KCNMB4: variants seen among roughly 807,000 people sequenced by gnomAD.
KCNMB4 encodes potassium calcium-activated channel subfamily M regulatory beta subunit 4.
A neutral mutation model predicts 20.7 loss-of-function variants in KCNMB4; 3 were observed. The ratio of observed to expected loss-of-function variants is 0.14; its 90% CI spans 0.07 to 0.37. The LOEUF is 0.37. KCNMB4 is among the 10% of genes least tolerant of loss of function. KCNMB4 has a pLI of 1.00. For missense variants in KCNMB4, 168 were observed against 265.9 expected (o/e 0.63, Z 2.56); for synonymous variants, 110 against 113.4 (o/e 0.97, Z 0.19).
chr12:70,430,616 T>G lies in KCNMB4; in HGVS notation c.596T>G (p.Val199Gly), dbSNP rs1593352427. 1.2e-6 allele frequency: 2 copies of G among 1,612,378 alleles called. No individual in the cohort carries two copies. Among genetic ancestry groups the G allele is most frequent in the Non-Finnish European group, 8.5e-7 (1 of 1,179,630 alleles). The change falls in exon 3 of 3, where the codon GTC (valine) becomes GGC (glycine). Residue 199 changes from valine (V) to glycine (G), a missense_variant. Val to Gly is a moderately radical substitution (Grantham distance 109). Coordinates refer to ENST00000258111, the MANE Select transcript of KCNMB4 (RefSeq NM_014505.6). ...VLTICAKSLA[V>G]KAEAMKKRKF... ...ACCATCTGTGCCAAGAGCTTGGCGG[T>G]CAAGGCGGAAGCCATGAAGAAGCGC... is the stretch of plus-strand genomic sequence containing the variant.
intron 1 of KCNMB4, among the ~76,000 whole-genome samples, chr12:70,396,527 A>G (rs757710551): frequency 1.3e-5 from 2 of 152,120 alleles, no homozygotes; most frequent in Non-Finnish European, 2.9e-5. Flanking sequence ...GCTGGTCTCA[A>G]ACTCCTGACC....
chr12:70,370,883 G>A (rs1883581210), intron 1 of KCNMB4, among the ~76,000 whole-genome samples: 1 of 151,848 alleles, frequency 6.6e-6, no homozygotes. Flanking sequence ...TTATTTTTGA[G>A]TCTCATTCTG....
At chr12:70,402,919 CT>C (rs1868495316) in intron 2 of KCNMB4, among the ~76,000 whole-genome samples, 2 of 152,240 alleles carry the variant, frequency 1.3e-5, no homozygotes, top group South Asian at 2.1e-4. Context: ...ATTTGGAAAA[CT>C]TTTCCCATCT....
At position 70,400,275 on chromosome 12, in the gene KCNMB4, C is replaced by A; in HGVS notation, c.403C>A (p.Gln135Lys). ...KNLESVMNWQ[Q>K]YWKDEIGSQP... ...TTTGGAAAGTGTCATGAATTGGCAA[C>A]AGTACTGGAAAGATGAGATTGGTTC... The change falls in exon 2 of 3, where the codon CAG (glutamine) becomes AAG (lysine). Residue 135 changes from glutamine to lysine, a missense_variant. By Grantham distance (53) the Gln-to-Lys change is moderately conservative (BLOSUM62 1). Coordinates refer to ENST00000258111, the MANE Select transcript of KCNMB4 (RefSeq NM_014505.6). 1 of 1,612,882 alleles carries A rather than the reference C, an allele frequency of 6.2e-7. No individual in the cohort carries two copies. Among genetic ancestry groups the A allele is most frequent in the Non-Finnish European group, 8.5e-7 (1 of 1,179,382 alleles).
At chr12:70,380,700 T>C (rs1282911150) in intron 1 of KCNMB4, among the ~76,000 whole-genome samples, 2 of 149,182 alleles carry the variant, frequency 1.3e-5, no homozygotes, top group African/African-American at 4.9e-5. Context: ...TTGACAAGAG[T>C]GTCAAGAGCA....
intron 1 of KCNMB4, among the ~76,000 whole-genome samples, chr12:70,386,772 C>T (rs1472987067): frequency 1.3e-5 from 2 of 151,948 alleles, no homozygotes; most frequent in East Asian, 3.8e-4. Flanking sequence ...TTTGTAATTG[C>T]AAAAGACTAG....
intron 1 of KCNMB4, among the ~76,000 whole-genome samples, chr12:70,379,915 C>A (rs1177073801): frequency 6.6e-6 from 1 of 152,210 alleles, no homozygotes; most frequent in Non-Finnish European, 1.5e-5. Context: ...TTCTCCATAT[C>A]AGCAATAAGG....
chr12:70,387,585 A>G (rs1868268131), intron 1 of KCNMB4, among the ~76,000 whole-genome samples: 1 of 151,626 alleles, frequency 6.6e-6, no homozygotes, highest in Non-Finnish European at 1.5e-5. Context: ...TATTTTTAGT[A>G]CAGACGGGGT....
At chr12:70,382,622 A>G (rs1444002825) in intron 1 of KCNMB4, among the ~76,000 whole-genome samples, 2 of 152,092 alleles carry the variant, frequency 1.3e-5, no homozygotes, top group Non-Finnish European at 2.9e-5. Flanking sequence ...ATAAGGGAAA[A>G]CTTACACATT....
intron 1 of KCNMB4, among the ~76,000 whole-genome samples, chr12:70,381,678 A>G (rs964445976): frequency 6.6e-6 from 1 of 152,244 alleles, no homozygotes; most frequent in South Asian, 2.1e-4. Context: ...AAGGAAATCT[A>G]TAGAGACTGA....
intron 2 of KCNMB4, among the ~76,000 whole-genome samples, chr12:70,407,234 G>A (rs1028657897): frequency 2.0e-5 from 3 of 151,978 alleles, no homozygotes; most frequent in Non-Finnish European, 4.4e-5. Context: ...CACAACTCAG[G>A]AACTGCCAGA....
intron 2 of KCNMB4, among the ~76,000 whole-genome samples, chr12:70,420,492 A>G (rs1869022535): frequency 6.6e-6 from 1 of 152,180 alleles, no homozygotes; most frequent in African/African-American, 2.4e-5. Flanking sequence ...GCCATGAGCC[A>G]AAGAATGCAG....
intron 1 of KCNMB4, among the ~76,000 whole-genome samples, chr12:70,389,334 A>G (rs553006685): frequency 6.6e-6 from 1 of 152,180 alleles, no homozygotes; most frequent in South Asian, 2.1e-4. Context: ...ACCCATTTGT[A>G]TACTGTTTGT....
chr12:70,391,167 G>A (rs1266356265), intron 1 of KCNMB4, among the ~76,000 whole-genome samples: 1 of 151,988 alleles, frequency 6.6e-6, no homozygotes, highest in African/African-American at 2.4e-5. Flanking sequence ...ATACTTTCAG[G>A]TATGTAAATA....
At position 70,430,707 on chromosome 12, in the gene KCNMB4, C is replaced by G; in HGVS notation, c.*54C>G. On this transcript the variant is annotated 3_prime_UTR_variant, in exon 3 of 3. Transcript: ENST00000258111. The stretch of plus-strand genomic sequence containing the variant: ...TACAGAAGCTGTACTCATCGGCACG[C>G]GTCCACCTGCGGAACCTGTGTTTCC... 6.8e-7 allele frequency: 1 copy of G among 1,473,694 alleles called. No homozygotes were observed. Among genetic ancestry groups the G allele is most frequent in the Non-Finnish European group, 9.0e-7 (1 of 1,114,252 alleles). The allele number at this position is 1,473,694 out of a possible 1,614,324, so 91.3% of individuals were successfully genotyped here.
At position 70,366,659 on chromosome 12, in the gene KCNMB4, G is replaced by C; in HGVS notation, c.-76G>C. On this transcript the variant is annotated 5_prime_UTR_variant, in exon 1 of 3. Transcript: ENST00000258111. ...GGCGGTGGCGGCGGCGGCTCCTCCC[G>C]CCCGAGGCAGTCGGGCTCGGCGCCG... The C allele has an allele frequency of 1.5e-4, 142 of 974,380 alleles. No individual in the cohort carries two copies. The highest frequency in any genetic ancestry group is 6.1e-4 in the East Asian group (12 of 19,570). The allele number at this position is 974,380 out of a possible 1,614,324, so 60.4% of individuals were successfully genotyped here.
intron 2 of KCNMB4, among the ~76,000 whole-genome samples, chr12:70,402,201 T>A (rs11178220): frequency 0.041 from 6,255 of 152,234 alleles, 172 homozygotes; most frequent in Middle Eastern, 0.061. Context: ...TACTGGAAAT[T>A]CCTCAGATAT....
At position 70,367,749 on chromosome 12, in the gene KCNMB4, T is replaced by A. The variant is rs572239281; in HGVS notation, c.336+679T>A. On this transcript the variant is annotated intron_variant, in intron 1 of 2. Coordinates refer to ENST00000258111, the MANE Select transcript of KCNMB4 (RefSeq NM_014505.6). ...AGTTACCCTTTGTGTTTAGGGACAG[T>A]CAGGAGTCGTCTGGAGAACAGTAAA... is the stretch of plus-strand genomic sequence containing the variant. Among the ~76,000 whole-genome samples, 6 of 151,980 alleles carry A rather than the reference T, an allele frequency of 3.9e-5. No homozygotes were observed. In the East Asian group the frequency reaches 9.7e-4, roughly 25 times the overall value.
intron 2 of KCNMB4, among the ~76,000 whole-genome samples, chr12:70,423,953 A>C (rs1170000914): frequency 6.6e-6 from 1 of 152,248 alleles, no homozygotes; most frequent in Non-Finnish European, 1.5e-5. Context: ...TAACCAGAGA[A>C]AAAGCATACA....
Sources: allele counts gnomAD v4.1 joint callset (sites outside exome capture counted in the v4.1 genomes callset), GRCh38; gene constraint gnomAD v4.1.1; transcripts MANE v1.5; gene names NCBI Gene and HGNC (gene_info 2026-07-23, HGNC 2026-07-21).